DCUN1D4: variants seen among roughly 807,000 people sequenced by gnomAD.
DCUN1D4 encodes DCN1-like protein 4.
DCUN1D4 carries 22 observed loss-of-function variants against 47.9 expected under a neutral mutation model. The observed-to-expected ratio is 0.46, with a 90% confidence interval of 0.33 to 0.66. The LOEUF is 0.66. Ranked by LOEUF, DCUN1D4 falls within the 30% of genes least tolerant of loss-of-function variation. The pLI is 0.02. For missense variants in DCUN1D4, 301 were observed against 340.8 expected, an observed-to-expected ratio of 0.88 and a Z score of 0.92; for synonymous variants, 121 against 112.2, an observed-to-expected ratio of 1.08 and a Z score of -0.50.
chr4:51,843,477 C>T (rs1721918517), intron 1 of DCUN1D4: 1 of 1,209,726 alleles, frequency 8.3e-7, no homozygotes, highest in Admixed American at 4.3e-5. Flanking sequence ...AGGGACCGGC[C>T]TGCGGGGAGG....
intron 1 of DCUN1D4, among the ~76,000 whole-genome samples, chr4:51,853,911 C>T (rs546252059): frequency 6.6e-6 from 1 of 152,342 alleles, no homozygotes; most frequent in African/African-American, 2.4e-5. Flanking sequence ...CTTGGTAGTG[C>T]TTCCCCTGTG....
chr4:51,880,802 A>T (rs1175059484), intron 5 of DCUN1D4, among the ~76,000 whole-genome samples: 2 of 152,068 alleles, frequency 1.3e-5, no homozygotes. Flanking sequence ...TTAGACCTTG[A>T]TCTGAACCTG....
At chr4:51,913,471 CTAT>C in intron 10 of DCUN1D4, 55 bp from the exon 11 acceptor site, 11 of 1,559,150 alleles carry the variant, frequency 7.1e-6, no homozygotes, top group East Asian at 2.3e-5. Context: ...AGCTACATTA[CTAT>C]TATTATTATT....
At chr4:51,903,427 CT>C (rs1732411267) in intron 8 of DCUN1D4, among the ~76,000 whole-genome samples, 1 of 152,110 alleles carries the variant, frequency 6.6e-6, no homozygotes, top group South Asian at 2.1e-4. Context: ...TTTTTATTCT[CT>C]TTCCATTGCT....
chr4:51,835,053 C>T, the DCUN1D4 span, among the ~76,000 whole-genome samples: 967 of 152,202 alleles, frequency 6.4e-3, 6 homozygotes, highest in Non-Finnish European at 9.5e-3. Flanking sequence ...AAAGACTATG[C>T]TAGGTGTTTA....
In DCUN1D4 at chr4:51,916,061, A is replaced by C; in HGVS notation, c.*2477A>C. 6.6e-6 allele frequency: 1 copy of C among 152,222 alleles called. No individual in the cohort carries two copies. Among genetic ancestry groups the C allele is most frequent in the Non-Finnish European group, 1.5e-5 (1 of 67,982 alleles). 9.4% of individuals were successfully genotyped at this position (152,222 alleles called of 1,614,324 possible). On this transcript the variant is annotated 3_prime_UTR_variant, in exon 11 of 11. Transcript: ENST00000334635. ...ACTTCTCTAAGTTGCACAAAACTGAACAATCATCAAGCACTTATTTACTGG... is the reference window on the plus strand; with the variant it reads ...ACTTCTCTAAGTTGCACAAAACTGACCAATCATCAAGCACTTATTTACTGG...
rs1194172284 is a variant in DCUN1D4, at chr4:51,863,435, A to G, written c.26-2A>G. On this transcript the variant is annotated splice_acceptor_variant, in intron 1 of 10. Coordinates refer to ENST00000334635, the MANE Select transcript of DCUN1D4 (RefSeq NM_001040402.3). LOFTEE classifies it high-confidence loss of function. The stretch of plus-strand genomic sequence containing the variant: ...CTGACATTTTTCCTTTTTCTTTTCA[A>G]GATTTTCAGCTGAACTCTCATCTCT... The G allele has an allele frequency of 3.1e-6, 5 of 1,607,412 alleles. No individual in the cohort carries two copies. The South Asian group carries it at 4.5e-5, about 14-fold the overall frequency.
At position 51,914,682 on chromosome 4, in the gene DCUN1D4, AC is replaced by A. The variant is rs1734150230; in HGVS notation, c.*1101del. 1 of 152,554 alleles carries A rather than the reference AC, an allele frequency of 6.6e-6. No individual in the cohort carries two copies. The highest frequency in any genetic ancestry group is 2.1e-4 in the South Asian group (1 of 4,824). 9.5% of individuals were successfully genotyped at this position (152,554 alleles called of 1,614,324 possible). A position where few individuals can be genotyped will look rare whatever the true frequency, so the allele number is the denominator to read the frequency against. On this transcript the variant is annotated 3_prime_UTR_variant, in exon 11 of 11. Coordinates refer to ENST00000334635, the MANE Select transcript of DCUN1D4 (RefSeq NM_001040402.3). Reference sequence around the variant, plus strand: ...ACAAGAAACCACCAGCATTGAGCTAACCCAGTACATGCTAGGACCTGTCCTA... The same window carrying A: ...ACAAGAAACCACCAGCATTGAGCTAACCAGTACATGCTAGGACCTGTCCTA...
chr4:51,888,872 C>G (rs149983012), intron 6 of DCUN1D4, among the ~76,000 whole-genome samples: 1 of 151,968 alleles, frequency 6.6e-6, no homozygotes, highest in Non-Finnish European at 1.5e-5. Context: ...TTTGAGAGGC[C>G]GAGGTGGGTG....
At chr4:51,880,755 G>A (rs1285361658) in intron 5 of DCUN1D4, among the ~76,000 whole-genome samples, 1 of 152,172 alleles carries the variant, frequency 6.6e-6, no homozygotes, top group African/African-American at 2.4e-5. Flanking sequence ...TGTGACTTTA[G>A]AAAGGATCGG....
intron 1 of DCUN1D4, chr4:51,844,914 T>A (rs1722277447): frequency 1.0e-6 from 1 of 985,338 alleles, no homozygotes; most frequent in Non-Finnish European, 1.2e-6. Flanking sequence ...CCCGGCCAGC[T>A]CCTGCGCGCT....
Position 51,843,156 on chromosome 4 carries a change from T to C in DCUN1D4, c.-87T>C. 3 of 1,520,922 alleles carry C rather than the reference T, an allele frequency of 2.0e-6. No homozygotes were observed. The highest frequency in any genetic ancestry group is 2.6e-6 in the Non-Finnish European group (3 of 1,134,794). The allele number at this position is 1,520,922 out of a possible 1,614,324, so 94.2% of individuals were successfully genotyped here. On this transcript the variant is annotated 5_prime_UTR_variant, in exon 1 of 11. Coordinates refer to ENST00000334635, the MANE Select transcript of DCUN1D4 (RefSeq NM_001040402.3). The stretch of plus-strand genomic sequence containing the variant: ...GAGTGCCCGGCGGCGGGTCCTCAGC[T>C]TCGAGCCGAGGTGCAGTGAGCTGGT...
intron 5 of DCUN1D4, chr4:51,884,346 G>GT (rs1729138070): frequency 6.6e-6 from 1 of 152,158 alleles, no homozygotes. Flanking sequence ...TTGTTACTTT[G>GT]TATTGAGGTT....
At chr4:51,870,477 T>C (rs889599318) in intron 3 of DCUN1D4, among the ~76,000 whole-genome samples, 5 of 152,040 alleles carry the variant, frequency 3.3e-5, no homozygotes, top group African/African-American at 7.2e-5. Context: ...TATTTACTCA[T>C]AGGTGTTTTA....
chr4:51,905,465 T>G (rs1732746342), intron 8 of DCUN1D4: 1 of 161,612 alleles, frequency 6.2e-6, no homozygotes, highest in African/African-American at 2.4e-5. Context: ...GCCTCAGTAT[T>G]TTTATGCATA....
intron 1 of DCUN1D4, chr4:51,848,511 T>C: frequency 1.6e-6 from 1 of 615,600 alleles, no homozygotes; most frequent in Non-Finnish European, 2.0e-6. Flanking sequence ...AGAGTAAAAT[T>C]TTCTTTGATG....
chr4:51,844,806 C>G (rs1037671834), intron 1 of DCUN1D4: 2 of 985,000 alleles, frequency 2.0e-6, no homozygotes, highest in Non-Finnish European at 2.4e-6. Flanking sequence ...CGCGCCCGGC[C>G]GCGGTTGGGT....
At chr4:51,906,960 A>ATAGTAGTCCCTAT (rs1732987794) in intron 8 of DCUN1D4, among the ~76,000 whole-genome samples, 2 of 152,226 alleles carry the variant, frequency 1.3e-5, no homozygotes, top group Admixed American at 1.3e-4. Flanking sequence ...ATTGGGGATT[A>ATAGTAGTCCCTAT]TAGTAGTCCC....
At chr4:51,860,805 T>G (rs1247023548) in intron 1 of DCUN1D4, 1 of 311,050 alleles carries the variant, frequency 3.2e-6, no homozygotes, top group East Asian at 8.3e-5. Flanking sequence ...GCACTGAGAA[T>G]TACAGTTCAA....
Sources: gnomAD v4.1 joint callset for allele counts (sites outside exome capture counted in the v4.1 genomes callset) on GRCh38, gnomAD v4.1.1 for gene constraint, MANE v1.5 for transcripts, NCBI Gene and HGNC (gene_info 2026-07-23, HGNC 2026-07-21) for gene names.